PTPRG: variants seen among roughly 807,000 people sequenced by gnomAD.
PTPRG encodes the protein receptor-type tyrosine-protein phosphatase gamma.
In PTPRG, 102 loss-of-function variants were observed where a neutral mutation model predicts 165.3. The ratio of observed to expected loss-of-function variants is 0.62; its 90% CI spans 0.53 to 0.73. PTPRG has a LOEUF of 0.73. PTPRG is among the 30% of genes least tolerant of loss of function. The pLI, the probability that PTPRG is intolerant of heterozygous loss-of-function variation, is 0.00. For missense variants in PTPRG, 1,866 were observed against 1,861.4 expected (o/e 1.00, Z -0.05); for synonymous variants, 675 against 669.5 (o/e 1.01, Z -0.13).
chr3:61,650,604 A>G (rs1702323847), intron 1 of PTPRG, among the ~76,000 whole-genome samples: 1 of 152,192 alleles, frequency 6.6e-6, no homozygotes, highest in South Asian at 2.1e-4. Flanking sequence ...GTTTGAGCCC[A>G]TGTGTTTCTA....
chr3:62,191,724 C>G, intron 9 of PTPRG, 71 bp downstream of exon 9: 4 of 1,439,938 alleles, frequency 2.8e-6, no homozygotes, highest in Non-Finnish European at 3.8e-6. Flanking sequence ...CTCTGCCAGG[C>G]ACTGCACAGT....
chr3:61,882,652 C>T (rs937502724), intron 2 of PTPRG, among the ~76,000 whole-genome samples: 1 of 152,132 alleles, frequency 6.6e-6, no homozygotes, highest in South Asian at 2.1e-4. Flanking sequence ...GCACATCATG[C>T]TAGTTGGCCT....
intron 2 of PTPRG, among the ~76,000 whole-genome samples, chr3:61,870,046 T>G (rs2037522222): frequency 6.6e-6 from 1 of 152,124 alleles, no homozygotes; most frequent in Non-Finnish European, 1.5e-5. Flanking sequence ...GAGCTTTCAC[T>G]TGGCAAAGTC....
intron 2 of PTPRG, among the ~76,000 whole-genome samples, chr3:61,885,897 G>T (rs1377309801): frequency 6.7e-6 from 1 of 150,248 alleles, no homozygotes; most frequent in African/African-American, 2.5e-5. Flanking sequence ...CAGAGCTGGG[G>T]TAGGTAGGGT....
At position 62,224,708 on chromosome 3, in the gene PTPRG, G is replaced by A. The variant is rs976050732; in HGVS notation, c.2288+5725G>A. Reference sequence around the variant, plus strand: ...GAGCAGAAACCTCGGATACCTGTATGTCTGAGAGACCTCAGACATCAGTCT... The same window carrying A: ...GAGCAGAAACCTCGGATACCTGTATATCTGAGAGACCTCAGACATCAGTCT... On this transcript the variant is annotated intron_variant, in intron 13 of 29. Transcript: ENST00000474889. This position sits in a 1 kb window ranked among gnomAD's most constrained non-coding sequence, Gnocchi z 4.9. Among the ~76,000 whole-genome samples, 1 of 152,190 alleles carries A rather than the reference G, an allele frequency of 6.6e-6. No individual in the cohort carries two copies. The highest frequency in any genetic ancestry group is 1.5e-5 in the Non-Finnish European group (1 of 68,030).
At chr3:61,968,002 G>C (rs2040306713) in intron 2 of PTPRG, among the ~76,000 whole-genome samples, 2 of 152,080 alleles carry the variant, frequency 1.3e-5, no homozygotes, top group African/African-American at 4.8e-5. Flanking sequence ...TAAAGGAGGG[G>C]AATATGGATG....
intron 5 of PTPRG, among the ~76,000 whole-genome samples, chr3:62,129,974 A>C (rs1278412873): frequency 1.3e-5 from 2 of 152,246 alleles, no homozygotes; most frequent in Admixed American, 6.5e-5. Context: ...CTGGTATCAT[A>C]GCCTGTTTCT....
At chr3:62,276,921 C>A in intron 24 of PTPRG, 51 bp from the exon 25 acceptor site, 1 of 1,392,026 alleles carries the variant, frequency 7.2e-7, no homozygotes, top group Non-Finnish European at 1.0e-6. Context: ...GCTGTTGGTT[C>A]TGTGTGTATA....
rs1475856858 is a variant in PTPRG, at chr3:61,916,052, T to C, written c.191-73573T>C. ...ATGCATAAAAATATACAGAGTGCTA[T>C]TAAATTAGATATGAATCTTACAGCA... On this transcript the variant is annotated intron_variant, in intron 2 of 29. Transcript: ENST00000474889. 3.3e-5 allele frequency among the ~76,000 whole-genome samples: 5 copies of C among 152,208 alleles called. No individual in the cohort carries two copies. In the East Asian group the frequency reaches 9.6e-4, roughly 29 times the overall value.
chr3:61,566,667 C>T (rs894517941), intron 1 of PTPRG, among the ~76,000 whole-genome samples: 1 of 152,200 alleles, frequency 6.6e-6, no homozygotes, highest in African/African-American at 2.4e-5. Context: ...GCCACTATGC[C>T]TAGCTAATTT....
chr3:61,676,771 T>G (rs1703248018), intron 1 of PTPRG, among the ~76,000 whole-genome samples: 1 of 152,102 alleles, frequency 6.6e-6, no homozygotes, highest in Non-Finnish European at 1.5e-5. Flanking sequence ...TAGGCCTTCC[T>G]CTCATCAGGG....
chr3:62,174,595 G>C (rs570847452), intron 8 of PTPRG, among the ~76,000 whole-genome samples: 16 of 152,156 alleles, frequency 1.1e-4, no homozygotes, highest in Non-Finnish European at 2.1e-4. Flanking sequence ...TTGAGAAAGA[G>C]GGTCACATTT....
intron 12 of PTPRG, among the ~76,000 whole-genome samples, chr3:62,208,783 A>T (rs1313650304): frequency 2.0e-5 from 3 of 152,202 alleles, no homozygotes; most frequent in Non-Finnish European, 4.4e-5. Context: ...GAACACCTTT[A>T]ATTACAGAAA....
Position 62,224,773 on chromosome 3 carries a change from C to T in PTPRG, c.2288+5790C>T, listed in dbSNP as rs1348165585. On this transcript the variant is annotated intron_variant, in intron 13 of 29. Coordinates refer to ENST00000474889, the MANE Select transcript of PTPRG (RefSeq NM_002841.4). This position sits in a 1 kb window ranked among gnomAD's most constrained non-coding sequence, Gnocchi z 4.9. ...TGAGCAGTGTTTTTATAGGCAGCAA[C>T]ATGGATCTGTGGGGAGACATTTATT... Among the ~76,000 whole-genome samples, 1 of 152,148 alleles carries T rather than the reference C, an allele frequency of 6.6e-6. No homozygotes were observed. Among genetic ancestry groups the T allele is most frequent in the Admixed American group, 6.5e-5 (1 of 15,270 alleles).
intron 10 of PTPRG, among the ~76,000 whole-genome samples, chr3:62,197,933 A>G (rs1243973774): frequency 1.3e-5 from 2 of 152,184 alleles, no homozygotes; most frequent in Admixed American, 1.3e-4. Context: ...CATTACATAT[A>G]TTGGCATTTA....
chr3:62,230,433 T>A (rs1700874017), intron 13 of PTPRG, among the ~76,000 whole-genome samples: 1 of 152,262 alleles, frequency 6.6e-6, no homozygotes, highest in African/African-American at 2.4e-5. Flanking sequence ...GTCATTGCTA[T>A]TTTATCAACA....
intron 2 of PTPRG, among the ~76,000 whole-genome samples, chr3:61,847,887 C>A (rs1215489230): frequency 6.6e-6 from 1 of 152,228 alleles, no homozygotes; most frequent in African/African-American, 2.4e-5. Flanking sequence ...ATTCTGCTTC[C>A]ACTGTTAAAC....
chr3:62,153,435 A>T (rs1000475599), intron 6 of PTPRG, among the ~76,000 whole-genome samples: 6 of 152,240 alleles, frequency 3.9e-5, no homozygotes, highest in Non-Finnish European at 1.5e-5. Flanking sequence ...CAGCCATCAA[A>T]TGTCAGTTAA....
rs1326946685 is a variant in PTPRG, at chr3:62,295,594, G to A, written c.*2287G>A. ...TCCCTTACAGTGGTTTCAGAATCAC[G>A]AAAAAACAGCTAGTAAATAGGATAG... On this transcript the variant is annotated 3_prime_UTR_variant, in exon 30 of 30. Transcript: ENST00000474889. 3.9e-5 allele frequency: 6 copies of A among 151,912 alleles called. No homozygotes were observed. The highest frequency in any genetic ancestry group is 1.3e-4 in the Admixed American group (2 of 15,234). 9.4% of individuals were successfully genotyped at this position (151,912 alleles called of 1,614,324 possible).
Sources: gnomAD v4.1 joint callset for allele counts (sites outside exome capture counted in the v4.1 genomes callset) on GRCh38, gnomAD v4.1.1 for gene constraint, Gnocchi (gnomAD v3.1) non-coding constraint, MANE v1.5 for transcripts, NCBI Gene and HGNC (gene_info 2026-07-23, HGNC 2026-07-21) for gene names.